PTPRR: variants seen among roughly 807,000 people sequenced by gnomAD.
PTPRR encodes the protein receptor-type tyrosine-protein phosphatase R.
PTPRR carries 38 observed loss-of-function variants against 77.2 expected under a neutral mutation model. The ratio of observed to expected loss-of-function variants is 0.49; its 90% CI spans 0.38 to 0.65. The LOEUF (loss-of-function observed/expected upper bound fraction) is 0.65, where lower values mean the gene tolerates loss of function less well. PTPRR is among the 30% of genes least tolerant of loss of function. PTPRR has a pLI of 0.00. For missense variants in PTPRR, 744 were observed against 799.2 expected (o/e 0.93, Z 0.83); for synonymous variants, 299 against 283.1 (o/e 1.06, Z -0.57).
At chr12:70,884,086 A>AAGCT (rs1893194027) in intron 2 of PTPRR, among the ~76,000 whole-genome samples, 1 of 152,162 alleles carries the variant, frequency 6.6e-6, no homozygotes, top group Non-Finnish European at 1.5e-5. Context: ...ACTGGGAGTT[A>AAGCT]AGCTTCTTAA....
intron 13 of PTPRR, 78 bp from the exon 14 acceptor site, chr12:70,639,355 C>A: frequency 6.6e-7 from 1 of 1,523,562 alleles, no homozygotes; most frequent in South Asian, 1.2e-5. Flanking sequence ...TTCATCCAAG[C>A]TAGGGTATTA....
chr12:70,872,314 A>C (rs2137092668), intron 2 of PTPRR, among the ~76,000 whole-genome samples: 1 of 152,230 alleles, frequency 6.6e-6, no homozygotes, highest in African/African-American at 2.4e-5. Flanking sequence ...GGTCTTCCTG[A>C]GTTTGAGGCC....
intron 6 of PTPRR, among the ~76,000 whole-genome samples, chr12:70,723,034 C>T (rs1267334077): frequency 6.6e-6 from 1 of 152,162 alleles, no homozygotes. Context: ...TGAGAAGACA[C>T]CAAAACTGTC....
intron 2 of PTPRR, among the ~76,000 whole-genome samples, chr12:70,826,288 G>A (rs1266484817): frequency 6.6e-6 from 1 of 152,170 alleles, no homozygotes; most frequent in Non-Finnish European, 1.5e-5. Flanking sequence ...GAGAAGCAGT[G>A]AGGTGCAAAT....
intron 2 of PTPRR, among the ~76,000 whole-genome samples, chr12:70,797,767 G>A (rs1185910149): frequency 1.3e-5 from 2 of 152,094 alleles, no homozygotes; most frequent in Admixed American, 6.6e-5. Context: ...ATATTCCTGG[G>A]TTTTCTCCAA....
intron 2 of PTPRR, among the ~76,000 whole-genome samples, chr12:70,887,061 G>A (rs1257730865): frequency 1.3e-5 from 2 of 152,232 alleles, no homozygotes; most frequent in East Asian, 3.8e-4. Flanking sequence ...CCTTCTTTCA[G>A]TGATGGCGTA....
In PTPRR at chr12:70,701,139, T is replaced by A. The variant is rs749455496; in HGVS notation, c.1192A>T (p.Met398Leu). 6.2e-7 allele frequency: 1 copy of A among 1,613,696 alleles called. No homozygotes were observed. Among genetic ancestry groups the A allele is most frequent in the African/African-American group, 1.3e-5 (1 of 74,910 alleles). The change falls in exon 7 of 14, where the codon ATG becomes TTG. Residue 398 changes from methionine to leucine, a missense_variant and splice_region_variant. Coordinates refer to ENST00000283228, the MANE Select transcript of PTPRR (RefSeq NM_002849.4). ...ASSHLLQSEF[M>L]EIPMNFVDPK... ...TGAACAATAAATAGAAGGCTCACCA[T>A]GAATTCACTTTGGAGTAAATGTGAA... is the stretch of plus-strand genomic sequence containing the variant.
At chr12:70,774,578 A>T (rs1477676462) in intron 2 of PTPRR, among the ~76,000 whole-genome samples, 1 of 152,192 alleles carries the variant, frequency 6.6e-6, no homozygotes, top group African/African-American at 2.4e-5. Context: ...GGTTCATTGC[A>T]TCAAAACATT....
intron 2 of PTPRR, among the ~76,000 whole-genome samples, chr12:70,835,657 C>A (rs1174573965): frequency 6.6e-6 from 1 of 152,124 alleles, no homozygotes; most frequent in Non-Finnish European, 1.5e-5. Flanking sequence ...CTTTAATAGT[C>A]TCTCTAGGTA....
intron 8 of PTPRR, among the ~76,000 whole-genome samples, chr12:70,693,705 TA>T (rs34029582): frequency 3.6e-4 from 52 of 146,188 alleles, no homozygotes; most frequent in Middle Eastern, 6.9e-3. Context: ...TAGCTTGTAC[TA>T]AAAAAAAAAG....
intron 5 of PTPRR, among the ~76,000 whole-genome samples, chr12:70,751,052 T>TTTTTTTTTTTTTTTTTTTTGAGACGG (rs1890379854): frequency 6.6e-6 from 1 of 152,122 alleles, no homozygotes; most frequent in African/African-American, 2.4e-5. Flanking sequence ...CTGTTACTTT[T>TTTTTTTTTTTTTTTTTTTTGAGACGG]AAAAGTGACT....
chr12:70,809,681 G>A (rs1486453357), intron 2 of PTPRR, among the ~76,000 whole-genome samples: 1 of 152,082 alleles, frequency 6.6e-6, no homozygotes, highest in Non-Finnish European at 1.5e-5. Flanking sequence ...AAAGTTTTAA[G>A]TATCTTCATC....
chr12:70,736,343 C>T (rs531929136), intron 6 of PTPRR, among the ~76,000 whole-genome samples: 7 of 152,248 alleles, frequency 4.6e-5, no homozygotes, highest in South Asian at 2.1e-4. Flanking sequence ...AACAGTGTGA[C>T]GCTCCATAAT....
intron 6 of PTPRR, among the ~76,000 whole-genome samples, chr12:70,708,835 C>T (rs189318400): frequency 3.4e-4 from 52 of 151,830 alleles, no homozygotes; most frequent in African/African-American, 1.2e-3. Context: ...CACACACACA[C>T]ACACACACAC....
intron 10 of PTPRR, among the ~76,000 whole-genome samples, chr12:70,681,286 T>A (rs979051209): frequency 2.6e-5 from 4 of 152,132 alleles, no homozygotes; most frequent in Admixed American, 2.0e-4. Context: ...CAAAATGGCA[T>A]CATATAGCTG....
chr12:70,805,566 G>T (rs560187610), intron 2 of PTPRR, among the ~76,000 whole-genome samples: 2 of 152,246 alleles, frequency 1.3e-5, no homozygotes, highest in South Asian at 2.1e-4. Context: ...TGCCTATGTT[G>T]CCCAGGCTGG....
At chr12:70,869,231 G>A (rs927771844) in intron 2 of PTPRR, among the ~76,000 whole-genome samples, 5 of 151,934 alleles carry the variant, frequency 3.3e-5, no homozygotes, top group African/African-American at 1.2e-4. Flanking sequence ...TTAGACAATA[G>A]AATTCCAAAT....
intron 2 of PTPRR, among the ~76,000 whole-genome samples, chr12:70,836,783 C>T (rs1022047812): frequency 1.3e-5 from 2 of 151,994 alleles, no homozygotes; most frequent in African/African-American, 4.8e-5. Context: ...ATCAGGGAAG[C>T]TTTTCTTAAC....
At chr12:70,718,315 G>C (rs1259859869) in intron 6 of PTPRR, among the ~76,000 whole-genome samples, 2 of 151,724 alleles carry the variant, frequency 1.3e-5, no homozygotes, top group African/African-American at 4.8e-5. Context: ...GCTGAGGTTG[G>C]AGTGCAATAG....
Sources: allele counts gnomAD v4.1 joint callset (sites outside exome capture counted in the v4.1 genomes callset), GRCh38; gene constraint gnomAD v4.1.1; transcripts MANE v1.5; gene names NCBI Gene and HGNC (gene_info 2026-07-23, HGNC 2026-07-21).